Variants in CAB39L observed in about 807,000 individuals in gnomAD.
CAB39L encodes calcium-binding protein 39-like.
A neutral mutation model predicts 39.1 loss-of-function variants in CAB39L; 23 were observed. That is an observed-to-expected ratio of 0.59 (90% CI 0.42 to 0.83). The LOEUF (loss-of-function observed/expected upper bound fraction) is 0.83, where lower values mean the gene tolerates loss of function less well. CAB39L is among the 40% of genes least tolerant of loss of function. CAB39L has a pLI of 0.00. For missense variants in CAB39L, 366 were observed against 391.9 expected (o/e 0.93, Z 0.56); for synonymous variants, 126 against 137.2 (o/e 0.92, Z 0.57).
At chr13:49,355,667 T>C (rs1351682650) in intron 6 of CAB39L, among the ~76,000 whole-genome samples, 1 of 151,768 alleles carries the variant, frequency 6.6e-6, no homozygotes, top group African/African-American at 2.4e-5. Context: ...AATTGAGCAT[T>C]AAAAAAACAT....
chr13:49,363,864 T>C (rs376410291), intron 5 of CAB39L, among the ~76,000 whole-genome samples: 1 of 136,818 alleles, frequency 7.3e-6, no homozygotes, highest in Non-Finnish European at 1.6e-5. Context: ...AGACACAGAA[T>C]GGCTGAATGG....
chr13:49,359,313 T>C (rs1357211966), intron 6 of CAB39L, among the ~76,000 whole-genome samples: 2 of 152,176 alleles, frequency 1.3e-5, no homozygotes, highest in Non-Finnish European at 1.5e-5. Context: ...CTCTCATACC[T>C]GTATTTCATT....
intron 3 of CAB39L, among the ~76,000 whole-genome samples, chr13:49,407,438 T>C (rs1232257832): frequency 6.6e-6 from 1 of 152,148 alleles, no homozygotes; most frequent in Non-Finnish European, 1.5e-5. Context: ...AGGTACATTA[T>C]TGAATTGATT....
chr13:49,319,539 G>A (rs150001206), intron 10 of CAB39L, among the ~76,000 whole-genome samples: 62 of 151,246 alleles, frequency 4.1e-4, no homozygotes, highest in African/African-American at 1.2e-3. Context: ...GTACAACATC[G>A]TAAATACACT....
chr13:49,343,796 A>T (rs925069772), intron 8 of CAB39L, among the ~76,000 whole-genome samples: 1 of 152,164 alleles, frequency 6.6e-6, no homozygotes, highest in African/African-American at 2.4e-5. Context: ...CAAGATAAAA[A>T]ATATTTCTGG....
chr13:49,440,282 G>A (rs1206904924), intron 1 of CAB39L, among the ~76,000 whole-genome samples: 3 of 151,824 alleles, frequency 2.0e-5, no homozygotes, highest in Non-Finnish European at 2.9e-5. Context: ...GTCCAGTTTT[G>A]TATGTGGTGT....
intron 10 of CAB39L, among the ~76,000 whole-genome samples, chr13:49,320,082 G>C (rs1337843675): frequency 6.6e-6 from 1 of 152,078 alleles, no homozygotes; most frequent in Admixed American, 6.6e-5. Flanking sequence ...GCCTCTAAAA[G>C]TAGTTGCTGA....
In CAB39L at chr13:49,344,254, C is replaced by G. The variant is rs754498751; in HGVS notation, c.565-16G>C. 1.3e-6 allele frequency: 2 copies of G among 1,504,994 alleles called. No homozygotes were observed. The highest frequency in any genetic ancestry group is 1.1e-5 in the South Asian group (1 of 88,062). 93.2% of individuals were successfully genotyped at this position (1,504,994 alleles called of 1,614,324 possible). On this transcript the variant is annotated splice_polypyrimidine_tract_variant and intron_variant, in intron 7 of 10. Coordinates refer to ENST00000409308, the MANE Select transcript of CAB39L (RefSeq NM_001079670.3). ...TTAGTAAATCCTAGAAAAAGAAAAA[C>G]CAAGTGAAACAAAACTGTTATAGCT...
intron 5 of CAB39L, among the ~76,000 whole-genome samples, chr13:49,362,944 C>A (rs1277413588): frequency 2.0e-5 from 3 of 152,138 alleles, no homozygotes; most frequent in African/African-American, 7.2e-5. Context: ...AGTGGCATGA[C>A]ATATTTAATG....
intron 10 of CAB39L, among the ~76,000 whole-genome samples, chr13:49,313,621 C>A (rs944334270): frequency 6.6e-6 from 1 of 152,190 alleles, no homozygotes; most frequent in Non-Finnish European, 1.5e-5. Context: ...GTGGAAACCA[C>A]GATCTGATAC....
At position 49,382,945 on chromosome 13, in the gene CAB39L, A is replaced by C. The variant is rs751206683; in HGVS notation, c.-31-4T>G. On this transcript the variant is annotated splice_region_variant and splice_polypyrimidine_tract_variant and intron_variant, in intron 3 of 10. Transcript: ENST00000409308. Reference sequence around the variant, plus strand: ...TCTCTTCTTCCAATATGGAATGCTAAAAACAAATAAGCCAACAAAAATTAT... The same window carrying C: ...TCTCTTCTTCCAATATGGAATGCTACAAACAAATAAGCCAACAAAAATTAT... 2.4e-6 allele frequency: 3 copies of C among 1,256,374 alleles called. No homozygotes were observed. In the South Asian group the frequency reaches 3.9e-5, roughly 16 times the overall value. The allele number at this position is 1,256,374 out of a possible 1,614,324, so 77.8% of individuals were successfully genotyped here.
intron 5 of CAB39L, among the ~76,000 whole-genome samples, chr13:49,374,729 G>C (rs1294319447): frequency 1.3e-5 from 2 of 152,136 alleles, no homozygotes; most frequent in African/African-American, 4.8e-5. Context: ...GAACCTATGA[G>C]GTTCTGTGGC....
intron 5 of CAB39L, among the ~76,000 whole-genome samples, chr13:49,371,723 A>G (rs1307561676): frequency 6.6e-6 from 1 of 151,826 alleles, no homozygotes; most frequent in Non-Finnish European, 1.5e-5. Flanking sequence ...TAGCCTCCTG[A>G]GTAGCTGGGA....
intron 3 of CAB39L, among the ~76,000 whole-genome samples, chr13:49,423,253 C>G (rs1957198701): frequency 6.6e-6 from 1 of 152,194 alleles, no homozygotes; most frequent in Non-Finnish European, 1.5e-5. Flanking sequence ...GCATATCAAA[C>G]AAGTCCCCAG....
intron 9 of CAB39L, among the ~76,000 whole-genome samples, chr13:49,339,010 A>G (rs1954926208): frequency 6.6e-6 from 1 of 152,192 alleles, no homozygotes; most frequent in Admixed American, 6.5e-5. Flanking sequence ...TCAACTATAT[A>G]AACATAATTT....
intron 5 of CAB39L, 151 bp from the exon 6 acceptor site, chr13:49,359,983 A>G: frequency 1.8e-6 from 1 of 560,638 alleles, no homozygotes; most frequent in South Asian, 2.3e-5. Flanking sequence ...CTTCCCATAG[A>G]CCCCTAACAA....
At chr13:49,328,922 TTTCTC>T (rs1954583970) in intron 10 of CAB39L, among the ~76,000 whole-genome samples, 1 of 152,322 alleles carries the variant, frequency 6.6e-6, no homozygotes, top group African/African-American at 2.4e-5. Context: ...AGCCTCTTAT[TTTCTC>T]TTCTAAAAGT....
At chr13:49,333,304 A>G (rs1164673297) in intron 9 of CAB39L, among the ~76,000 whole-genome samples, 2 of 152,122 alleles carry the variant, frequency 1.3e-5, no homozygotes, top group African/African-American at 4.8e-5. Flanking sequence ...TTAACCTAAC[A>G]CCTTCTGGAA....
At position 49,382,931 on chromosome 13, in the gene CAB39L, A is replaced by G; in HGVS notation, c.-21T>C. ...TTCATGTGTAGAAATCTCTTCTTCC[A>G]ATATGGAATGCTAAAAACAAATAAG... is the stretch of plus-strand genomic sequence containing the variant. On this transcript the variant is annotated 5_prime_UTR_variant, in exon 4 of 11. Coordinates refer to ENST00000409308, the MANE Select transcript of CAB39L (RefSeq NM_001079670.3). 7.2e-7 allele frequency: 1 copy of G among 1,392,940 alleles called. No homozygotes were observed. Among genetic ancestry groups the G allele is most frequent in the Non-Finnish European group, 1.0e-6 (1 of 990,286 alleles). The allele number at this position is 1,392,940 out of a possible 1,614,324, so 86.3% of individuals were successfully genotyped here. A position where few individuals can be genotyped will look rare whatever the true frequency, so the allele number is the denominator to read the frequency against.
Sources: gnomAD v4.1 joint callset for allele counts (sites outside exome capture counted in the v4.1 genomes callset) on GRCh38, gnomAD v4.1.1 for gene constraint, MANE v1.5 for transcripts, NCBI Gene and HGNC (gene_info 2026-07-23, HGNC 2026-07-21) for gene names.